The following ZDHHC17 variants were observed in gnomAD, a reference collection of about 807,000 sequenced individuals.
The protein encoded by ZDHHC17 is palmitoyltransferase ZDHHC17.
Under a neutral mutation model 90.3 loss-of-function variants are expected in ZDHHC17, and 40 were observed. That is an observed-to-expected ratio of 0.44 (90% CI 0.34 to 0.58). The LOEUF (loss-of-function observed/expected upper bound fraction) is 0.58, where lower values mean the gene tolerates loss of function less well. Among genes scored for constraint, ZDHHC17 ranks in the 20% least tolerant of loss-of-function variants. ZDHHC17 has a pLI of 0.01. For missense variants in ZDHHC17, 614 were observed against 780.8 expected (o/e 0.79, Z 2.55); for synonymous variants, 235 against 252.4 (o/e 0.93, Z 0.65).
intron 1 of ZDHHC17, among the ~76,000 whole-genome samples, chr12:76,787,660 C>T (rs746517634): frequency 1.4e-4 from 22 of 151,848 alleles, no homozygotes; most frequent in Admixed American, 6.6e-4. Context: ...TGTGTGTGTG[C>T]GCGCGCAGGA....
At chr12:76,804,824 G>A (rs7956259) in intron 2 of ZDHHC17, among the ~76,000 whole-genome samples, 81,068 of 151,888 alleles carry the variant, frequency 0.53, 21,826 homozygotes, top group East Asian at 0.67. Flanking sequence ...GACTGCTATT[G>A]AAAGTCTCAC....
At chr12:76,843,462 A>C (rs1232782730) in intron 12 of ZDHHC17, among the ~76,000 whole-genome samples, 1 of 151,898 alleles carries the variant, frequency 6.6e-6, no homozygotes, top group Non-Finnish European at 1.5e-5. Flanking sequence ...ATGTTTATGT[A>C]ACTTTGAACA....
chr12:76,798,609 A>T (rs1952851145), intron 2 of ZDHHC17, among the ~76,000 whole-genome samples: 1 of 152,188 alleles, frequency 6.6e-6, no homozygotes, highest in Non-Finnish European at 1.5e-5. Context: ...TGCTATAAAG[A>T]AATACCTGAC....
chr12:76,786,122 CT>C (rs36021075), intron 1 of ZDHHC17, among the ~76,000 whole-genome samples: 54,316 of 144,478 alleles, frequency 0.38, 10,212 homozygotes, highest in East Asian at 0.57. Context: ...TTCTTTCTTT[CT>C]TTTTTTTTTT....
intron 1 of ZDHHC17, among the ~76,000 whole-genome samples, chr12:76,782,247 T>C (rs1245066316): frequency 6.6e-6 from 1 of 152,230 alleles, no homozygotes; most frequent in Non-Finnish European, 1.5e-5. Context: ...GATGGTCCTT[T>C]AGCTGGATGC....
At chr12:76,845,858 G>A (rs939769706) in intron 13 of ZDHHC17, 56 bp downstream of exon 13, 2 of 963,622 alleles carry the variant, frequency 2.1e-6, no homozygotes, top group Non-Finnish European at 3.3e-6. Flanking sequence ...TTTAGGTAAT[G>A]AATAAAGTAT....
In ZDHHC17 at chr12:76,816,133, G is replaced by A. The variant is rs914949102; in HGVS notation, c.771+114G>A. ...GTTGAAAGAAACTTCTTCAATACAG[G>A]TTTACAGTTAAACCACATTATGCAT... is the stretch of plus-strand genomic sequence containing the variant. On this transcript the variant is annotated intron_variant, in intron 7 of 16. Transcript: ENST00000426126. 14 of 808,984 alleles carry A rather than the reference G, an allele frequency of 1.7e-5. No individual in the cohort carries two copies. The Admixed American group carries it at 3.2e-4, about 19-fold the overall frequency. The allele number at this position is 808,984 out of a possible 1,614,324, so 50.1% of individuals were successfully genotyped here. A position where few individuals can be genotyped will look rare whatever the true frequency, so the allele number is the denominator to read the frequency against.
intron 1 of ZDHHC17, among the ~76,000 whole-genome samples, chr12:76,783,932 G>A (rs1952656572): frequency 6.6e-6 from 1 of 152,162 alleles, no homozygotes; most frequent in Non-Finnish European, 1.5e-5. Flanking sequence ...GGCTAGAAGA[G>A]GCAAGGAACA....
intron 2 of ZDHHC17, among the ~76,000 whole-genome samples, chr12:76,803,524 C>T (rs1479002664): frequency 6.6e-6 from 1 of 152,100 alleles, no homozygotes; most frequent in Non-Finnish European, 1.5e-5. Context: ...TCTCCATATA[C>T]CCTGGGCTGA....
chr12:76,773,288 G>T (rs1426446897), intron 1 of ZDHHC17, among the ~76,000 whole-genome samples: 2 of 152,106 alleles, frequency 1.3e-5, no homozygotes, highest in East Asian at 3.9e-4. Context: ...TTTTTTTACT[G>T]TCTCTTTAGT....
At chr12:76,841,393 G>T (rs147716303) in intron 10 of ZDHHC17, among the ~76,000 whole-genome samples, 1,690 of 152,202 alleles carry the variant, frequency 0.011, 11 homozygotes, top group Non-Finnish European at 0.017. Context: ...CGACATTGCT[G>T]TATTTTTTAT....
intron 1 of ZDHHC17, among the ~76,000 whole-genome samples, chr12:76,773,827 C>T (rs1817201671): frequency 1.3e-5 from 2 of 152,166 alleles, no homozygotes; most frequent in South Asian, 4.1e-4. Flanking sequence ...TTAGCAGTTG[C>T]TCTAAGGCCA....
At chr12:76,835,652 A>G (rs1302834933) in intron 10 of ZDHHC17, among the ~76,000 whole-genome samples, 2 of 152,064 alleles carry the variant, frequency 1.3e-5, no homozygotes, top group African/African-American at 4.8e-5. Flanking sequence ...TATTTTGGAT[A>G]TATGACATGG....
intron 5 of ZDHHC17, among the ~76,000 whole-genome samples, chr12:76,812,737 C>T (rs1953040705): frequency 6.6e-6 from 1 of 152,034 alleles, no homozygotes; most frequent in African/African-American, 2.4e-5. Context: ...ATCAATTTTA[C>T]ATTGTCAGGG....
chr12:76,844,872 T>C (rs1953475427), intron 12 of ZDHHC17: 1 of 152,162 alleles, frequency 6.6e-6, no homozygotes, highest in Non-Finnish European at 1.5e-5. Flanking sequence ...TTTTATCATA[T>C]GTCTAGCATT....
At chr12:76,792,598 TAGC>T (rs754733202) in intron 1 of ZDHHC17, among the ~76,000 whole-genome samples, 36 of 152,120 alleles carry the variant, frequency 2.4e-4, no homozygotes, top group Non-Finnish European at 4.4e-4. Flanking sequence ...CTACCTATAG[TAGC>T]AGATTTTGGA....
chr12:76,786,502 C>T (rs533926446), intron 1 of ZDHHC17, among the ~76,000 whole-genome samples: 24 of 152,202 alleles, frequency 1.6e-4, no homozygotes, highest in African/African-American at 5.5e-4. Flanking sequence ...GCAGTCCACC[C>T]GCCTCGGCCT....
At chr12:76,827,175 C>T in intron 9 of ZDHHC17, 125 bp downstream of exon 9, 1 of 1,112,566 alleles carries the variant, frequency 9.0e-7, no homozygotes, top group Non-Finnish European at 1.2e-6. Context: ...ATTTAGACAT[C>T]TGTATGTGAA....
chr12:76,805,567 C>A, intron 3 of ZDHHC17, 128 bp downstream of exon 3: 1 of 885,810 alleles, frequency 1.1e-6, no homozygotes, highest in Non-Finnish European at 1.6e-6. Flanking sequence ...ATTCTGTGTA[C>A]CTTGTTTTTC....
Sources: gnomAD v4.1 joint callset for allele counts (sites outside exome capture counted in the v4.1 genomes callset) on GRCh38, gnomAD v4.1.1 for gene constraint, MANE v1.5 for transcripts, NCBI Gene and HGNC (gene_info 2026-07-23, HGNC 2026-07-21) for gene names.